The following DNAH5 variants were observed in gnomAD, a reference collection of about 807,000 sequenced individuals.
The protein encoded by DNAH5 is dynein axonemal heavy chain 5.
A neutral mutation model predicts 518.2 loss-of-function variants in DNAH5; 372 were observed. The ratio of observed to expected loss-of-function variants is 0.72; its 90% CI spans 0.66 to 0.78. The LOEUF (loss-of-function observed/expected upper bound fraction) is 0.78, where lower values mean the gene tolerates loss of function less well. Ranked by LOEUF, DNAH5 falls within the 30% of genes least tolerant of loss-of-function variation. The pLI is 0.00. For missense variants in DNAH5, 5,523 were observed against 5,687.0 expected (o/e 0.97, Z 0.93); for synonymous variants, 2,039 against 2,025.9 (o/e 1.01, Z -0.17).
rs70964504 is a variant in DNAH5, at chr5:13,720,111, C to CA, written c.12279+888dup. Among the ~76,000 whole-genome samples, 307 of 128,676 alleles carry CA rather than the reference C, an allele frequency of 2.4e-3. 2 individuals are homozygous for CA. The highest frequency in any genetic ancestry group is 4.1e-3 in the African/African-American group (153 of 37,128). 84.4% of individuals were successfully genotyped at this position (128,676 alleles called of 152,430 possible). A position where few individuals can be genotyped will look rare whatever the true frequency, so the allele number is the denominator to read the frequency against. On this transcript the variant is annotated intron_variant, in intron 71 of 78. Transcript: ENST00000265104. The stretch of plus-strand genomic sequence containing the variant: ...GTTGTCTTTCAAAAAGAAAAAACAC[C>CA]AAAAAAAAAAAAAAAACAAGCACTA...
intron 1 of DNAH5, among the ~76,000 whole-genome samples, chr5:13,952,354 A>T (rs1399041417): frequency 6.6e-6 from 1 of 152,234 alleles, no homozygotes; most frequent in African/African-American, 2.4e-5. Context: ...GCACGCAGCA[A>T]TTTCTGCAAA....
intron 1 of DNAH5, among the ~76,000 whole-genome samples, chr5:14,005,187 T>C (rs1179756750): frequency 6.6e-6 from 1 of 152,180 alleles, no homozygotes; most frequent in African/African-American, 2.4e-5. Flanking sequence ...TTTGCCACAT[T>C]GTTACCTTCC....
intron 75 of DNAH5, among the ~76,000 whole-genome samples, chr5:13,713,219 A>G (rs967803908): frequency 4.7e-5 from 7 of 147,406 alleles, no homozygotes; most frequent in Admixed American, 3.4e-4. Flanking sequence ...ATATATATAT[A>G]CCGACATATA....
At chr5:13,851,326 T>A (rs1766808443) in intron 30 of DNAH5, among the ~76,000 whole-genome samples, 1 of 152,296 alleles carries the variant, frequency 6.6e-6, no homozygotes, top group South Asian at 2.1e-4. Flanking sequence ...CTTCCTTTTT[T>A]AAGACAGGTC....
At chr5:13,990,601 C>T (rs1019279531) in intron 1 of DNAH5, among the ~76,000 whole-genome samples, 3 of 152,042 alleles carry the variant, frequency 2.0e-5, no homozygotes, top group Middle Eastern at 3.4e-3. Flanking sequence ...GGCGTGGTGG[C>T]TCATTCCTAT....
chr5:13,742,810 T>A (rs1748779741), intron 65 of DNAH5, among the ~76,000 whole-genome samples: 1 of 152,038 alleles, frequency 6.6e-6, no homozygotes, highest in Non-Finnish European at 1.5e-5. Flanking sequence ...GTAAACAGTA[T>A]AATTGAAAAT....
At chr5:13,782,939 A>G (rs1580215374) in intron 52 of DNAH5, among the ~76,000 whole-genome samples, 1 of 152,204 alleles carries the variant, frequency 6.6e-6, no homozygotes, top group Admixed American at 6.5e-5. Context: ...AAAAATGAAT[A>G]ATGTCCACCC....
chr5:13,935,822 C>T (rs965138004), intron 1 of DNAH5, among the ~76,000 whole-genome samples: 3 of 152,124 alleles, frequency 2.0e-5, no homozygotes, highest in Non-Finnish European at 4.4e-5. Context: ...GCCTTTGAAA[C>T]ACCTAGGACA....
intron 59 of DNAH5, among the ~76,000 whole-genome samples, chr5:13,765,393 A>G (rs1752383306): frequency 6.6e-6 from 1 of 152,224 alleles, no homozygotes; most frequent in Non-Finnish European, 1.5e-5. Context: ...GTGTTCATAC[A>G]ATATTATTTC....
chr5:13,997,086 C>A (rs970207336), intron 1 of DNAH5, among the ~76,000 whole-genome samples: 1 of 152,214 alleles, frequency 6.6e-6, no homozygotes. Flanking sequence ...TACCACCAAG[C>A]TTTACCACTT....
intron 52 of DNAH5, among the ~76,000 whole-genome samples, chr5:13,785,758 ATACAGTATT>A (rs1755886015): frequency 6.6e-6 from 1 of 152,234 alleles, no homozygotes; most frequent in Non-Finnish European, 1.5e-5. Context: ...GAGTAGAATT[ATACAGTATT>A]TACCCTTCTG....
chr5:14,000,393 C>T lies in DNAH5; in HGVS notation c.12+11255G>A, dbSNP rs557683909. Among the ~76,000 whole-genome samples the T allele has an allele frequency of 5.9e-5, 9 of 152,356 alleles. No homozygotes were observed. The South Asian group carries it at 1.7e-3, about 28-fold the overall frequency. ...TGGATTTCAGCTCCCAGCCTCCAAA[C>T]TGTGAGAGAGTAAGTTTCTGTTGCT... On this transcript the variant is annotated intron_variant, in intron 1 of 78. Coordinates refer to the DNAH5 transcript ENST00000681290.
intron 1 of DNAH5, among the ~76,000 whole-genome samples, chr5:13,954,742 G>A (rs141155450): frequency 9.9e-5 from 15 of 152,196 alleles, no homozygotes; most frequent in South Asian, 2.1e-4. Context: ...GTGTTTCCCC[G>A]TTGCCCATTA....
intron 22 of DNAH5, among the ~76,000 whole-genome samples, chr5:13,873,497 A>T (rs1270320412): frequency 6.6e-6 from 1 of 152,090 alleles, no homozygotes; most frequent in Non-Finnish European, 1.5e-5. Flanking sequence ...GAACATGTTT[A>T]TTGTATTCTA....
chr5:13,889,149 T>A (rs750046584), intron 17 of DNAH5, among the ~76,000 whole-genome samples: 1 of 152,232 alleles, frequency 6.6e-6, no homozygotes, highest in Non-Finnish European at 1.5e-5. Context: ...ATTAAAAGGC[T>A]AGTTTCTTTC....
chr5:13,693,089 T>C (rs1205891684), intron 78 of DNAH5, among the ~76,000 whole-genome samples: 2 of 152,230 alleles, frequency 1.3e-5, no homozygotes, highest in Non-Finnish European at 2.9e-5. Flanking sequence ...GGAAATAGTA[T>C]ATTATTTAAT....
At chr5:13,913,717 T>C in intron 11 of DNAH5, 26 bp downstream of exon 11, 2 of 1,612,170 alleles carry the variant, frequency 1.2e-6, no homozygotes, top group Non-Finnish European at 1.7e-6. Context: ...GATTATGTTA[T>C]AAAATATAGC....
At chr5:13,957,966 A>G (rs1036475160) in intron 1 of DNAH5, among the ~76,000 whole-genome samples, 1 of 151,778 alleles carries the variant, frequency 6.6e-6, no homozygotes, top group African/African-American at 2.4e-5. Flanking sequence ...ACACACATGT[A>G]TATGTATATA....
chr5:13,882,059 G>A lies in DNAH5; in HGVS notation c.3262+669C>T, dbSNP rs555623856. Among the ~76,000 whole-genome samples the A allele has an allele frequency of 3.5e-4, 53 of 151,964 alleles. 1 individual carries two copies. Among genetic ancestry groups the A allele is most frequent in the African/African-American group, 1.2e-3 (50 of 41,488 alleles). The stretch of plus-strand genomic sequence containing the variant: ...AGAACAATTTTGTGCCAACCTAGAA[G>A]AAATGAATAAATTCCTAGAAACATA... On this transcript the variant is annotated intron_variant, in intron 21 of 78. Transcript: ENST00000265104.
Sources: allele counts gnomAD v4.1 joint callset (sites outside exome capture counted in the v4.1 genomes callset), GRCh38; gene constraint gnomAD v4.1.1; transcripts MANE v1.5; gene names NCBI Gene and HGNC (gene_info 2026-07-23, HGNC 2026-07-21).